Variants in SCAPER observed in about 807,000 individuals in gnomAD.
SCAPER encodes S phase cyclin A-associated protein in the endoplasmic reticulum.
A neutral mutation model predicts 182.2 loss-of-function variants in SCAPER; 98 were observed. The ratio of observed to expected loss-of-function variants is 0.54; its 90% CI spans 0.46 to 0.64. The LOEUF (loss-of-function observed/expected upper bound fraction) is 0.64, where lower values mean the gene tolerates loss of function less well. Among genes scored for constraint, SCAPER ranks in the 30% least tolerant of loss-of-function variants. SCAPER has a pLI of 0.00. For synonymous variants in SCAPER, 605 were observed against 564.6 expected (o/e 1.07, Z -1.01); for missense variants, 1,432 against 1,690.0 (o/e 0.85, Z 2.68).
chr15:76,753,984 T>G, intron 14 of SCAPER, 36 bp from the exon 15 acceptor site: 2 of 1,600,602 alleles, frequency 1.2e-6, no homozygotes, highest in South Asian at 2.2e-5. Context: ...TTAATTTCAA[T>G]ATATACAATC....
chr15:76,674,587 A>G (rs2146908238), intron 20 of SCAPER, among the ~76,000 whole-genome samples: 1 of 152,330 alleles, frequency 6.6e-6, no homozygotes, highest in South Asian at 2.1e-4. Context: ...AACAGAAAAG[A>G]GCCTGTAACA....
At chr15:76,559,932 GTA>G (rs1214181238) in intron 23 of SCAPER, among the ~76,000 whole-genome samples, 2 of 152,068 alleles carry the variant, frequency 1.3e-5, no homozygotes, top group Non-Finnish European at 2.9e-5. Flanking sequence ...GTGTGTGTGT[GTA>G]TGTGTGTGTG....
chr15:76,788,834 C>A (rs1176166852), intron 8 of SCAPER, among the ~76,000 whole-genome samples: 1 of 152,012 alleles, frequency 6.6e-6, no homozygotes, highest in Non-Finnish European at 1.5e-5. Context: ...AACATTTTGT[C>A]CCTCTCTATT....
At chr15:76,413,323 G>T (rs1420228414) in intron 26 of SCAPER, among the ~76,000 whole-genome samples, 2 of 152,146 alleles carry the variant, frequency 1.3e-5, no homozygotes, top group African/African-American at 4.8e-5. Flanking sequence ...AAGGAAAAGT[G>T]TTTATTATTA....
At chr15:76,420,552 A>G (rs1370269472) in intron 26 of SCAPER, among the ~76,000 whole-genome samples, 2 of 152,232 alleles carry the variant, frequency 1.3e-5, no homozygotes, top group African/African-American at 4.8e-5. Flanking sequence ...TACAATAGTA[A>G]TAATAAAAAT....
chr15:76,395,435 T>C (rs939969541), intron 27 of SCAPER, among the ~76,000 whole-genome samples: 2 of 152,200 alleles, frequency 1.3e-5, no homozygotes, highest in Non-Finnish European at 2.9e-5. Flanking sequence ...CTGTTCTCCA[T>C]AGTGGTTGTA....
In SCAPER at chr15:76,537,776, C is replaced by G. The variant is rs1205310357; in HGVS notation, c.2839-32802G>C. On this transcript the variant is annotated intron_variant, in intron 23 of 31. Coordinates refer to ENST00000563290, the MANE Select transcript of SCAPER (RefSeq NM_020843.4). ...CAAAACAAACTACCATCAGAGTGAA[C>G]AGGCAACCTACAAAATGGGAGAAAA... Among the ~76,000 whole-genome samples, 4 of 152,256 alleles carry G rather than the reference C, an allele frequency of 2.6e-5. No individual in the cohort carries two copies. The East Asian group carries it at 7.7e-4, about 29-fold the overall frequency.
chr15:76,863,205 C>A (rs530217883), intron 2 of SCAPER, among the ~76,000 whole-genome samples: 2 of 152,302 alleles, frequency 1.3e-5, no homozygotes, highest in East Asian at 3.9e-4. Context: ...AAATTGCCTC[C>A]CCACTAATGA....
chr15:76,803,076 T>C (rs923381899), intron 6 of SCAPER, among the ~76,000 whole-genome samples: 1 of 152,120 alleles, frequency 6.6e-6, no homozygotes, highest in Non-Finnish European at 1.5e-5. Flanking sequence ...AAATCTGATA[T>C]GTCACTTCCC....
At chr15:76,430,876 T>A (rs550708175) in intron 26 of SCAPER, among the ~76,000 whole-genome samples, 7 of 152,092 alleles carry the variant, frequency 4.6e-5, no homozygotes, top group African/African-American at 7.2e-5. Flanking sequence ...TTTGGCTGCA[T>A]CCCCACCCAA....
intron 21 of SCAPER, among the ~76,000 whole-genome samples, chr15:76,648,536 G>T (rs1417694808): frequency 6.6e-6 from 1 of 152,144 alleles, no homozygotes; most frequent in East Asian, 1.9e-4. Context: ...AAAGCTAAAT[G>T]AATATCAAAC....
chr15:76,696,332 T>C (rs1003773625), intron 20 of SCAPER, among the ~76,000 whole-genome samples: 1 of 152,202 alleles, frequency 6.6e-6, no homozygotes, highest in Non-Finnish European at 1.5e-5. Flanking sequence ...TTCTCTTCAA[T>C]CACCTAATTG....
intron 8 of SCAPER, among the ~76,000 whole-genome samples, chr15:76,779,387 T>A (rs1274802169): frequency 6.6e-6 from 1 of 152,100 alleles, no homozygotes; most frequent in African/African-American, 2.4e-5. Flanking sequence ...CTTCCACCCA[T>A]TAAAAGTATA....
intron 23 of SCAPER, among the ~76,000 whole-genome samples, chr15:76,536,328 T>TA (rs1437844784): frequency 6.6e-6 from 1 of 151,770 alleles, no homozygotes; most frequent in South Asian, 2.1e-4. Context: ...ACCTTGTCTT[T>TA]AAAAAAAACA....
chr15:76,498,688 T>G (rs2040835235), intron 24 of SCAPER: 1 of 152,206 alleles, frequency 6.6e-6, no homozygotes, highest in Admixed American at 6.5e-5. Flanking sequence ...AGCACAGTGC[T>G]TGGCACCAAG....
intron 27 of SCAPER, among the ~76,000 whole-genome samples, chr15:76,382,371 T>A (rs572790763): frequency 1.6e-4 from 24 of 151,854 alleles, no homozygotes; most frequent in South Asian, 6.2e-4. Flanking sequence ...CTTTTATTTT[T>A]TTTTTTTAAT....
intron 21 of SCAPER, among the ~76,000 whole-genome samples, chr15:76,662,544 T>C (rs1283318286): frequency 6.6e-6 from 1 of 152,080 alleles, no homozygotes; most frequent in East Asian, 1.9e-4. Flanking sequence ...AATTTATCAA[T>C]GAAATAGAAC....
chr15:76,863,401 G>A (rs954517192), intron 2 of SCAPER, among the ~76,000 whole-genome samples: 1 of 152,126 alleles, frequency 6.6e-6, no homozygotes, highest in African/African-American at 2.4e-5. Flanking sequence ...CAATTAGTAG[G>A]TGCCTCCCTG....
At chr15:76,771,466 C>T (rs2063468268) in intron 10 of SCAPER, among the ~76,000 whole-genome samples, 1 of 152,060 alleles carries the variant, frequency 6.6e-6, no homozygotes, top group Non-Finnish European at 1.5e-5. Flanking sequence ...AGTTTAGATT[C>T]TTAATTCTGG....
Sources: allele counts gnomAD v4.1 joint callset (sites outside exome capture counted in the v4.1 genomes callset), GRCh38; gene constraint gnomAD v4.1.1; transcripts MANE v1.5; gene names NCBI Gene and HGNC (gene_info 2026-07-23, HGNC 2026-07-21).